Variants in SLC4A7 observed in about 807,000 individuals in gnomAD.
SLC4A7 encodes the protein sodium bicarbonate cotransporter 3.
SLC4A7 carries 51 observed loss-of-function variants against 137.6 expected under a neutral mutation model. The observed-to-expected ratio is 0.37, with a 90% CI of 0.30 to 0.47. SLC4A7 has a LOEUF of 0.47. Among genes scored for constraint, SLC4A7 ranks in the 20% least tolerant of loss-of-function variants. SLC4A7 has a pLI of 1.00. For missense variants in SLC4A7, 1,247 were observed against 1,525.4 expected, an observed-to-expected ratio of 0.82 and a Z score of 3.04; for synonymous variants, 542 against 518.6, an observed-to-expected ratio of 1.05 and a Z score of -0.61.
intron 1 of SLC4A7, among the ~76,000 whole-genome samples, chr3:27,468,055 C>T (rs2059083231): frequency 6.6e-6 from 1 of 152,052 alleles, no homozygotes; most frequent in Non-Finnish European, 1.5e-5. Flanking sequence ...TCCCAAGTAG[C>T]TGGGATTACA....
Position 27,379,365 on chromosome 3 carries a change from C to A in SLC4A7, c.3591-9G>T, listed in dbSNP as rs556273758. ...CAATTGAGGGATCAACACTGAAGAA[C>A]AAATACACTTTTTGGTTAGTATTCA... On this transcript the variant is annotated splice_polypyrimidine_tract_variant and intron_variant, in intron 24 of 25. Coordinates refer to ENST00000454389, the MANE Select transcript of SLC4A7 (RefSeq NM_001321103.2). The A allele has an allele frequency of 2.7e-4, 389 of 1,438,684 alleles. 3 individuals carry two copies. Among genetic ancestry groups the A allele is most frequent in the South Asian group, 2.5e-3 (207 of 81,878 alleles). 89.1% of individuals were successfully genotyped at this position (1,438,684 alleles called of 1,614,324 possible).
intron 3 of SLC4A7, among the ~76,000 whole-genome samples, chr3:27,446,893 T>G (rs1192152183): frequency 1.1e-5 from 1 of 88,644 alleles, no homozygotes; most frequent in East Asian, 2.4e-4. Context: ...TTGTTTTTTT[T>G]GTTTTTTTTA....
chr3:27,415,640 T>G (rs1305638247), intron 11 of SLC4A7, among the ~76,000 whole-genome samples: 2 of 152,250 alleles, frequency 1.3e-5, no homozygotes, highest in African/African-American at 4.8e-5. Context: ...TCTCCAGTTA[T>G]TTTGACATTT....
At position 27,379,804 on chromosome 3, in the gene SLC4A7, C is replaced by T. The variant is rs760310348; in HGVS notation, c.3591-448G>A. ...AAATACTCAAAGTATGTAAGGAAAA[C>T]TTAAGATTATGATTTTTAAAATCTT... On this transcript the variant is annotated intron_variant, in intron 24 of 25. Coordinates refer to ENST00000454389, the MANE Select transcript of SLC4A7 (RefSeq NM_001321103.2). 3.3e-5 allele frequency among the ~76,000 whole-genome samples: 5 copies of T among 152,158 alleles called. No individual in the cohort carries two copies. The East Asian group carries it at 5.8e-4, about 18-fold the overall frequency.
intron 11 of SLC4A7, among the ~76,000 whole-genome samples, chr3:27,412,786 C>T (rs1409571328): frequency 6.6e-6 from 1 of 151,866 alleles, no homozygotes; most frequent in South Asian, 2.1e-4. Context: ...ATGGCCAAAG[C>T]CACAATTACT....
intron 22 of SLC4A7, among the ~76,000 whole-genome samples, chr3:27,389,213 GTTATAATTT>G (rs1467504813): frequency 3.9e-5 from 6 of 152,038 alleles, no homozygotes; most frequent in Non-Finnish European, 8.8e-5. Context: ...GACAGACATT[GTTATAATTT>G]TCTCTCTTTC....
chr3:27,442,947 G>C (rs1381732218), intron 3 of SLC4A7, among the ~76,000 whole-genome samples: 1 of 150,600 alleles, frequency 6.6e-6, no homozygotes, highest in African/African-American at 2.4e-5. Context: ...CTTGTAGATT[G>C]TCTTGGGAGC....
At chr3:27,434,183 T>A (rs988635062) in intron 5 of SLC4A7, 79 bp from the exon 6 acceptor site, 3 of 1,013,912 alleles carry the variant, frequency 3.0e-6, no homozygotes, top group Middle Eastern at 2.3e-4. Flanking sequence ...TGAAACCTTA[T>A]GACAAAAATT....
At chr3:27,482,832 T>C (rs1372141554) in intron 1 of SLC4A7, among the ~76,000 whole-genome samples, 1 of 152,184 alleles carries the variant, frequency 6.6e-6, no homozygotes, top group Non-Finnish European at 1.5e-5. Flanking sequence ...TCCATTACCA[T>C]CACTGTGAAT....
At chr3:27,385,251 C>T (rs2050819157) in intron 23 of SLC4A7, among the ~76,000 whole-genome samples, 1 of 152,144 alleles carries the variant, frequency 6.6e-6, no homozygotes, top group South Asian at 2.1e-4. Context: ...CAAGTCTCTA[C>T]TTTTCCTTCT....
At chr3:27,386,682 G>GT (rs1306396840) in intron 22 of SLC4A7, among the ~76,000 whole-genome samples, 2 of 152,008 alleles carry the variant, frequency 1.3e-5, no homozygotes, top group South Asian at 2.1e-4. Context: ...TGATTTAACT[G>GT]TTTTTTATAC....
chr3:27,386,853 C>T (rs1027572814), intron 22 of SLC4A7, among the ~76,000 whole-genome samples: 7 of 144,082 alleles, frequency 4.9e-5, no homozygotes, highest in African/African-American at 1.8e-4. Flanking sequence ...CATTTAAATA[C>T]TGAATTCAAT....
chr3:27,394,879 TAA>T, intron 19 of SLC4A7, 73 bp downstream of exon 19: 1 of 1,535,610 alleles, frequency 6.5e-7, no homozygotes, highest in Non-Finnish European at 8.8e-7. Context: ...TTACATCTTT[TAA>T]TGTTCTAATC....
At chr3:27,456,670 C>T (rs372621060) in intron 1 of SLC4A7, 117 of 1,609,802 alleles carry the variant, frequency 7.3e-5, no homozygotes, top group South Asian at 6.5e-4. Context: ...CTTCTCCAGA[C>T]GAAATCTTTC....
intron 17 of SLC4A7, 65 bp from the exon 18 acceptor site, chr3:27,397,862 CAT>C (rs2052354237): frequency 5.4e-6 from 5 of 925,988 alleles, no homozygotes; most frequent in Non-Finnish European, 8.2e-6. Context: ...AAATAATTCA[CAT>C]CTTTTATTGA....
rs533997057 is a variant in SLC4A7, at chr3:27,466,582, C to T, written c.61-14084G>A. On this transcript the variant is annotated intron_variant, in intron 1 of 25. Coordinates refer to ENST00000454389, the MANE Select transcript of SLC4A7 (RefSeq NM_001321103.2). ...GTGATTCACACCTGTAATCCCAGCA[C>T]TTTGGGAAGCTGAGGCAGGTGGATC... 3.3e-5 allele frequency among the ~76,000 whole-genome samples: 5 copies of T among 152,286 alleles called. No individual in the cohort carries two copies. In the South Asian group the frequency reaches 1.0e-3, roughly 32 times the overall value.
At chr3:27,472,127 T>A (rs1480662699) in intron 1 of SLC4A7, among the ~76,000 whole-genome samples, 1 of 152,182 alleles carries the variant, frequency 6.6e-6, no homozygotes. Context: ...ACTGGCATGG[T>A]ATAAAACAAT....
chr3:27,427,891 T>G (rs1301348259), intron 7 of SLC4A7, among the ~76,000 whole-genome samples: 1 of 152,194 alleles, frequency 6.6e-6, no homozygotes, highest in Non-Finnish European at 1.5e-5. Context: ...GTATGTTGGA[T>G]TCTCAGTTAA....
chr3:27,389,893 TATTA>T (rs1293828098), intron 22 of SLC4A7, 34 bp downstream of exon 22: 5 of 1,466,370 alleles, frequency 3.4e-6, no homozygotes, highest in African/African-American at 2.8e-5. Context: ...GTAAACATAT[TATTA>T]ATTAGTGACA....
Sources: allele counts gnomAD v4.1 joint callset (sites outside exome capture counted in the v4.1 genomes callset), GRCh38; gene constraint gnomAD v4.1.1; transcripts MANE v1.5; gene names NCBI Gene and HGNC (gene_info 2026-07-23, HGNC 2026-07-21).